TENT5D: variants seen among roughly 807,000 people sequenced by gnomAD.
The protein encoded by TENT5D is cancer/testis antigen 112.
For missense variants in TENT5D, 191 were observed against 287.0 expected (o/e 0.67, Z 2.42); for synonymous variants, 103 against 100.6 (o/e 1.02, Z -0.15).
chrX:80,338,551 G>T (rs1929897524), intron 2 of TENT5D, among the ~76,000 whole-genome samples: 1 of 112,056 alleles, frequency 8.9e-6, no homozygotes, highest in African/African-American at 3.3e-5. Flanking sequence ...TGAACCCAGT[G>T]TATTACAGAG....
At chrX:80,357,782 A>G (rs956168999) in intron 3 of TENT5D, among the ~76,000 whole-genome samples, 1 of 111,332 alleles carries the variant, frequency 9.0e-6, no homozygotes, top group Non-Finnish European at 1.9e-5. Context: ...CAAGCTACCA[A>G]TGACTTTCTT....
At chrX:80,338,209 T>C (rs1929889712) in intron 2 of TENT5D, among the ~76,000 whole-genome samples, 1 of 112,032 alleles carries the variant, frequency 8.9e-6, no homozygotes, top group African/African-American at 3.2e-5. Context: ...GCTACCTTTT[T>C]CTCCTTTCAC....
Position 80,437,255 on chromosome X carries a change from G to GT in TENT5D, c.-141-1353dup, listed in dbSNP as rs1932200102. On this transcript the variant is annotated intron_variant, in intron 1 of 2. Transcript: ENST00000308293. ...TTTTCATCATGGAGCCAGACACAAAGTTAATGACTGGGTGAGGGATCTTTC... is the reference window on the plus strand; with the variant it reads ...TTTTCATCATGGAGCCAGACACAAAGTTTAATGACTGGGTGAGGGATCTTTC... Among the ~76,000 whole-genome samples, 3 of 111,923 alleles carry GT rather than the reference G, an allele frequency of 2.7e-5. No homozygotes were observed. The Admixed American group carries it at 2.9e-4, about 11-fold the overall frequency.
chrX:80,411,505 C>T lies in TENT5D; in HGVS notation c.-141-27105C>T, dbSNP rs189031805. Among the ~76,000 whole-genome samples, 69 of 111,509 alleles carry T rather than the reference C, an allele frequency of 6.2e-4. 1 individual carries two copies. The East Asian group carries it at 8.5e-3, about 14-fold the overall frequency. Reference sequence around the variant, plus strand: ...TTTTTTCTCATATAAAATTATTTTTCTTTTAACCTTTCTTGCCAAAAATTC... The same window carrying T: ...TTTTTTCTCATATAAAATTATTTTTTTTTTAACCTTTCTTGCCAAAAATTC... On this transcript the variant is annotated intron_variant, in intron 3 of 4. Coordinates refer to the TENT5D transcript ENST00000538312.
intron 3 of TENT5D, among the ~76,000 whole-genome samples, chrX:80,385,294 C>A (rs1467177605): frequency 1.8e-5 from 2 of 111,207 alleles, no homozygotes; most frequent in Non-Finnish European, 3.8e-5. Flanking sequence ...TGATCCTTGA[C>A]AAACCTGAGA....
chrX:80,382,250 A>T (rs1368151261), intron 3 of TENT5D, among the ~76,000 whole-genome samples: 36 of 111,527 alleles, frequency 3.2e-4, no homozygotes, highest in African/African-American at 1.0e-3. Flanking sequence ...CTGGAGGTCC[A>T]CTCCAGACCC....
chrX:80,349,254 T>A (rs1930126163), intron 3 of TENT5D, among the ~76,000 whole-genome samples: 1 of 111,916 alleles, frequency 8.9e-6, no homozygotes, highest in South Asian at 3.7e-4. Context: ...TCTTTGTACC[T>A]CTGGTAGAAT....
intron 1 of TENT5D, among the ~76,000 whole-genome samples, chrX:80,424,818 ACT>A (rs1931959210): frequency 8.9e-6 from 1 of 112,388 alleles, no homozygotes; most frequent in Admixed American, 9.4e-5. Context: ...CTTTGATGGA[ACT>A]CTGTTTTACA....
intron 3 of TENT5D, among the ~76,000 whole-genome samples, chrX:80,381,075 A>G (rs141799912): frequency 0.013 from 1,495 of 111,798 alleles, 27 homozygotes; most frequent in African/African-American, 0.045. Flanking sequence ...ACAATTTGGC[A>G]TGTTTATGGA....
In TENT5D at chrX:80,442,870, T is replaced by C. The variant is rs150129047; in HGVS notation, c.331T>C (p.Phe111Leu). The C allele has an allele frequency of 1.3e-4, 157 of 1,209,189 alleles. No homozygotes were observed. Among genetic ancestry groups the C allele is most frequent in the Non-Finnish European group, 1.6e-4 (143 of 894,783 alleles). Reference sequence around the variant, plus strand: ...TGCAGTTCTAGACTGTCTACTTGACTTTTTACCAAAAGATGTAAAGAAGGA... The same window carrying C: ...TGCAGTTCTAGACTGTCTACTTGACCTTTTACCAAAAGATGTAAAGAAGGA... The change falls in exon 3 of 3, where the codon TTT (phenylalanine) becomes CTT (leucine). Residue 111 changes from phenylalanine to leucine, a missense_variant. Physicochemically the swap from Phe to Leu is conservative, Grantham distance 22 (BLOSUM62 0). Transcript: ENST00000308293.
chrX:80,337,010 T>C (rs1279601097), intron 2 of TENT5D, among the ~76,000 whole-genome samples: 1 of 112,090 alleles, frequency 8.9e-6, no homozygotes, highest in Non-Finnish European at 1.9e-5. Flanking sequence ...TCTTGTTTTT[T>C]CTTAGATATC....
At chrX:80,388,948 G>C (rs775460384) in intron 3 of TENT5D, among the ~76,000 whole-genome samples, 6 of 111,543 alleles carry the variant, frequency 5.4e-5, no homozygotes, top group Non-Finnish European at 1.1e-4. Context: ...ATCTGGCTAG[G>C]GCTGTGTCAA....
intron 3 of TENT5D, among the ~76,000 whole-genome samples, chrX:80,355,378 A>G (rs1930262886): frequency 9.0e-6 from 1 of 111,585 alleles, no homozygotes; most frequent in Admixed American, 9.5e-5. Flanking sequence ...GCCCTGTCCC[A>G]CGGCCAAGAT....
chrX:80,375,694 A>C (rs750130368), intron 3 of TENT5D, among the ~76,000 whole-genome samples: 2 of 111,654 alleles, frequency 1.8e-5, no homozygotes, highest in African/African-American at 6.5e-5. Flanking sequence ...TATGATGTTG[A>C]TACAACTCAT....
intron 3 of TENT5D, among the ~76,000 whole-genome samples, chrX:80,371,837 T>C (rs1166383209): frequency 8.9e-6 from 1 of 112,042 alleles, no homozygotes; most frequent in Non-Finnish European, 1.9e-5. Flanking sequence ...AATAAGGCTC[T>C]TACGCTTTCT....
At chrX:80,376,832 A>T (rs1930737655) in intron 3 of TENT5D, among the ~76,000 whole-genome samples, 1 of 111,554 alleles carries the variant, frequency 9.0e-6, no homozygotes, top group Admixed American at 9.6e-5. Flanking sequence ...ATATATCTTC[A>T]CTTCCATTTT....
chrX:80,377,604 A>G (rs773709181), intron 3 of TENT5D, among the ~76,000 whole-genome samples: 13 of 112,040 alleles, frequency 1.2e-4, no homozygotes, highest in Non-Finnish European at 2.1e-4. Context: ...CATGGTGTAT[A>G]TGTGCCACAT....
At chrX:80,419,430 A>G (rs1167991192), upstream of TENT5D, among the ~76,000 whole-genome samples, 3 of 112,061 alleles carry the variant, frequency 2.7e-5, no homozygotes, top group Non-Finnish European at 5.6e-5. Flanking sequence ...TCCAAAATGT[A>G]TTTAGTCTTT....
In TENT5D at chrX:80,413,543, G is replaced by A. The variant is rs374542631; in HGVS notation, c.-141-25067G>A. On this transcript the variant is annotated intron_variant, in intron 3 of 4. Coordinates refer to the TENT5D transcript ENST00000538312. ...CAGGGGGAGGTAATTGAATCATGGG[G>A]GCTGGTCTTTCCCATGCTATTCTTG... is the stretch of plus-strand genomic sequence containing the variant. Among the ~76,000 whole-genome samples the A allele has an allele frequency of 2.8e-4, 31 of 111,555 alleles. 1 individual carries two copies. The South Asian group carries it at 0.011, about 41-fold the overall frequency.
Sources: allele counts gnomAD v4.1 joint callset (sites outside exome capture counted in the v4.1 genomes callset), GRCh38; gene constraint gnomAD v4.1.1; transcripts MANE v1.5; gene names NCBI Gene and HGNC (gene_info 2026-07-23, HGNC 2026-07-21).